SLFN11: variants seen among roughly 807,000 people sequenced by gnomAD.
SLFN11 encodes the protein schlafen family member 11.
SLFN11 carries 43 observed loss-of-function variants against 53.4 expected under a neutral mutation model. The ratio of observed to expected loss-of-function variants is 0.80; its 90% CI spans 0.63 to 1.04. The LOEUF is 1.04. SLFN11 is among the 50% of genes least tolerant of loss of function. The pLI is 0.00. For missense variants in SLFN11, 990 were observed against 1,079.1 expected (o/e 0.92, Z 1.16); for synonymous variants, 389 against 394.7 (o/e 0.99, Z 0.17).
chr17:35,361,164 T>C (rs187437921), intron 4 of SLFN11, among the ~76,000 whole-genome samples: 1 of 152,240 alleles, frequency 6.6e-6, no homozygotes, highest in Admixed American at 6.5e-5. Flanking sequence ...TGTTCTCAGT[T>C]GTTCTAGAGA....
intron 5 of SLFN11, among the ~76,000 whole-genome samples, chr17:35,355,377 G>T (rs1354051894): frequency 6.6e-6 from 1 of 151,942 alleles, no homozygotes. Flanking sequence ...TCTATCCTGG[G>T]CGACAGAGCA....
rs527330366 is a variant in SLFN11, at chr17:35,354,141, T to C, written c.1199-82A>G. 6.2e-5 allele frequency: 75 copies of C among 1,218,260 alleles called. No individual in the cohort carries two copies. The African/African-American group carries it at 1.0e-3, about 17-fold the overall frequency. The allele number at this position is 1,218,260 out of a possible 1,614,324, so 75.5% of individuals were successfully genotyped here. ...TGACTAATTATAATTAACTAATTGA[T>C]TAACTAAATGATTACTTATAGAAGT... On this transcript the variant is annotated intron_variant, in intron 5 of 6. Coordinates refer to ENST00000685675, the MANE Select transcript of SLFN11 (RefSeq NM_001376007.1).
At chr17:35,361,772 T>A (rs1908250352) in intron 4 of SLFN11, among the ~76,000 whole-genome samples, 1 of 151,568 alleles carries the variant, frequency 6.6e-6, no homozygotes, top group Non-Finnish European at 1.5e-5. Flanking sequence ...TGAGACAGAG[T>A]CTCGCTCTGT....
intron 5 of SLFN11, among the ~76,000 whole-genome samples, chr17:35,357,139 CGTGT>C (rs35291259): frequency 0.12 from 17,837 of 142,806 alleles, 1,192 homozygotes; most frequent in East Asian, 0.26. Flanking sequence ...TTTTTCTGTG[CGTGT>C]GTGTGTGTGT....
chr17:35,370,959 GA>G (rs1315189250), intron 1 of SLFN11, among the ~76,000 whole-genome samples: 7 of 151,918 alleles, frequency 4.6e-5, no homozygotes, highest in African/African-American at 1.2e-4. Flanking sequence ...CACAGAAATA[GA>G]AAAAACAATC....
chr17:35,357,716 AT>A (rs1294433060), intron 5 of SLFN11, among the ~76,000 whole-genome samples: 1 of 145,880 alleles, frequency 6.9e-6, no homozygotes, highest in African/African-American at 2.5e-5. Flanking sequence ...TATAATATAT[AT>A]TTAAATATAT....
chr17:35,372,976 T>C (rs1489826679), intron 1 of SLFN11, among the ~76,000 whole-genome samples: 2 of 152,092 alleles, frequency 1.3e-5, no homozygotes, highest in African/African-American at 4.8e-5. Flanking sequence ...GCAATGGCAA[T>C]TCTAATTCTG....
chr17:35,359,648 C>A (rs1907955105), intron 5 of SLFN11, among the ~76,000 whole-genome samples: 1 of 152,048 alleles, frequency 6.6e-6, no homozygotes, highest in South Asian at 2.1e-4. Context: ...TGTCCTAAAC[C>A]CAAAACATGG....
At chr17:35,370,350 T>C (rs1004847009) in intron 1 of SLFN11, among the ~76,000 whole-genome samples, 12 of 152,092 alleles carry the variant, frequency 7.9e-5, no homozygotes, top group African/African-American at 2.9e-4. Context: ...AAAATCCATG[T>C]ATGACAGACC....
intron 3 of SLFN11, among the ~76,000 whole-genome samples, chr17:35,365,298 T>C (rs1481271614): frequency 2.6e-5 from 4 of 152,010 alleles, no homozygotes; most frequent in Non-Finnish European, 5.9e-5. Context: ...GACAAAAATA[T>C]TTTTTGCGTG....
intron 5 of SLFN11, 189 bp downstream of exon 5, chr17:35,360,054 C>G (rs1908005075): frequency 1.8e-6 from 1 of 550,148 alleles, no homozygotes; most frequent in Non-Finnish European, 3.1e-6. Flanking sequence ...TGTGGTCCTG[C>G]CTTAGCCAGT....
intron 1 of SLFN11, among the ~76,000 whole-genome samples, chr17:35,371,269 C>T (rs563760225): frequency 7.9e-5 from 12 of 152,094 alleles, no homozygotes; most frequent in Middle Eastern, 3.4e-3. Flanking sequence ...GATATCTATC[C>T]GCAGAACAAT....
In SLFN11 at chr17:35,350,952, TA is replaced by T. The variant is rs1378482093; in HGVS notation, c.*1403del. 6.6e-6 allele frequency: 1 copy of T among 152,248 alleles called. No individual in the cohort carries two copies. The highest frequency in any genetic ancestry group is 2.4e-5 in the African/African-American group (1 of 41,478). 9.4% of individuals were successfully genotyped at this position (152,248 alleles called of 1,614,324 possible). A position where few individuals can be genotyped will look rare whatever the true frequency, so the allele number is the denominator to read the frequency against. On this transcript the variant is annotated 3_prime_UTR_variant, in exon 7 of 7. Coordinates refer to ENST00000685675, the MANE Select transcript of SLFN11 (RefSeq NM_001376007.1). ...CGTTTTGTAGAGACTGAAAAGCAAA[TA>T]AATAATTGCATTAGCATTGTTAAGT...
intron 1 of SLFN11, among the ~76,000 whole-genome samples, chr17:35,371,748 T>C (rs1428495739): frequency 2.0e-5 from 3 of 151,908 alleles, no homozygotes; most frequent in African/African-American, 4.8e-5. Context: ...ATCAGAAAAA[T>C]GCAAATCCAA....
At chr17:35,357,139 C>T (rs368883832) in intron 5 of SLFN11, among the ~76,000 whole-genome samples, 4 of 142,806 alleles carry the variant, frequency 2.8e-5, no homozygotes, top group Non-Finnish European at 3.1e-5. Flanking sequence ...TTTTTCTGTG[C>T]GTGTGTGTGT....
intron 4 of SLFN11, among the ~76,000 whole-genome samples, 161 bp from the exon 5 acceptor site, chr17:35,360,532 T>C (rs1431910219): frequency 1.3e-5 from 2 of 152,066 alleles, no homozygotes; most frequent in African/African-American, 4.8e-5. Flanking sequence ...AGTGCCTTTA[T>C]TGCATATCAA....
chr17:35,365,344 T>C (rs1194331563), intron 3 of SLFN11, among the ~76,000 whole-genome samples: 2 of 152,078 alleles, frequency 1.3e-5, no homozygotes, highest in East Asian at 3.9e-4. Context: ...CAGGCTGGAG[T>C]GCAGTCACAG....
intron 5 of SLFN11, 147 bp downstream of exon 5, chr17:35,360,096 T>G (rs1410183459): frequency 2.5e-6 from 2 of 790,668 alleles, no homozygotes; most frequent in Non-Finnish European, 4.0e-6. Flanking sequence ...CTAAACCACT[T>G]ATCACCAATA....
chr17:35,354,534 G>A (rs1406377359), intron 5 of SLFN11, among the ~76,000 whole-genome samples: 1 of 152,102 alleles, frequency 6.6e-6, no homozygotes, highest in Non-Finnish European at 1.5e-5. Context: ...CTCCATAGTT[G>A]CAGAGGAGAG....
Sources: allele counts gnomAD v4.1 joint callset (sites outside exome capture counted in the v4.1 genomes callset), GRCh38; gene constraint gnomAD v4.1.1; transcripts MANE v1.5; gene names NCBI Gene and HGNC (gene_info 2026-07-23, HGNC 2026-07-21).